The following CHERP variants were observed in gnomAD, a reference collection of about 807,000 sequenced individuals.
The protein encoded by CHERP is calcium homeostasis endoplasmic reticulum protein.
Under a neutral mutation model 113.8 loss-of-function variants are expected in CHERP, and 8 were observed. That is an observed-to-expected ratio of 0.07 (90% CI 0.04 to 0.13). The LOEUF is 0.13. Ranked by LOEUF, CHERP falls within the 10% of genes least tolerant of loss-of-function variation. CHERP has a pLI of 1.00. For missense variants in CHERP, 884 were observed against 1,298.2 expected (o/e 0.68, Z 4.90); for synonymous variants, 559 against 524.5 (o/e 1.07, Z -0.90).
intron 12 of CHERP, 115 bp downstream of exon 12, chr19:16,521,406 G>T: frequency 2.1e-6 from 2 of 933,924 alleles, no homozygotes; most frequent in Non-Finnish European, 3.1e-6. Flanking sequence ...CGGGGGGAGG[G>T]CAGTTTCTCC....
In CHERP at chr19:16,542,047, G is replaced by C. The variant is rs774112207; in HGVS notation, c.26-4C>G. The C allele has an allele frequency of 5.0e-6, 8 of 1,608,602 alleles. 1 individual carries two copies. The South Asian group carries it at 7.7e-5, about 16-fold the overall frequency. Reference sequence around the variant, plus strand: ...ATGACATTTCGAAGCTCCTGGTCTGGAGGACGGAGAAAAGGCCACGCGGGG... The same window carrying C: ...ATGACATTTCGAAGCTCCTGGTCTGCAGGACGGAGAAAAGGCCACGCGGGG... On this transcript the variant is annotated splice_polypyrimidine_tract_variant and splice_region_variant and intron_variant, in intron 1 of 16. Coordinates refer to ENST00000546361, the MANE Select transcript of CHERP (RefSeq NM_006387.6).
At chr19:16,527,509 C>T (rs567339698) in intron 9 of CHERP, among the ~76,000 whole-genome samples, 5 of 152,330 alleles carry the variant, frequency 3.3e-5, no homozygotes, top group East Asian at 3.9e-4. Flanking sequence ...GGGAAAGTCA[C>T]GCCCTGGAAG....
chr19:16,524,010 G>T (rs569517504), intron 10 of CHERP, among the ~76,000 whole-genome samples: 2 of 152,092 alleles, frequency 1.3e-5, no homozygotes, highest in Non-Finnish European at 2.9e-5. Flanking sequence ...TCAGCACTTT[G>T]GGAGGCCAAG....
Position 16,532,589 on chromosome 19 carries a change from G to T in CHERP, c.674+9C>A. 1 of 1,588,184 alleles carries T rather than the reference G, an allele frequency of 6.3e-7. No individual in the cohort carries two copies. ...AGTGGCGCTCTGGGCACGGGGTGGC[G>T]GCGCTCACCAGTGGTGCAGCACGTC... On this transcript the variant is annotated intron_variant, in intron 5 of 16. Transcript: ENST00000546361. The surrounding 1 kb of genome is among the most constrained non-coding windows in gnomAD (Gnocchi z 4.4).
At position 16,523,471 on chromosome 19, in the gene CHERP, G is replaced by A. The variant is rs1328103334; in HGVS notation, c.1742-181C>T. Among the ~76,000 whole-genome samples the A allele has an allele frequency of 6.6e-6, 1 of 152,124 alleles. No homozygotes were observed. Among genetic ancestry groups the A allele is most frequent in the African/African-American group, 2.4e-5 (1 of 41,416 alleles). On this transcript the variant is annotated intron_variant, in intron 10 of 16. Transcript: ENST00000546361. This position sits in a 1 kb window ranked among gnomAD's most constrained non-coding sequence, Gnocchi z 4.0. ...GCACCGAGGAGCCAGGCTCCGAGGG[G>A]CCTGTCCCGCACCCATAGGCACAGC... is the stretch of plus-strand genomic sequence containing the variant.
In CHERP at chr19:16,520,776, C is replaced by G. The variant is rs1846926150; in HGVS notation, c.2201+50G>C. On this transcript the variant is annotated intron_variant, in intron 13 of 16. Coordinates refer to ENST00000546361, the MANE Select transcript of CHERP (RefSeq NM_006387.6). The surrounding 1 kb of genome is among the most constrained non-coding windows in gnomAD (Gnocchi z 4.0). ...ATCTGGGGTCTGCTCCCACCCATCA[C>G]AAGCTGTGGACCCTGGCCCCCCGGC... is the stretch of plus-strand genomic sequence containing the variant. The G allele has an allele frequency of 1.9e-6, 3 of 1,556,404 alleles. No individual in the cohort carries two copies. The South Asian group carries it at 3.3e-5, about 17-fold the overall frequency.
In CHERP at chr19:16,533,084, G is replaced by T. The variant is rs1182760472; in HGVS notation, c.449C>A (p.Thr150Asn). 6.3e-7 allele frequency: 1 copy of T among 1,581,972 alleles called. No homozygotes were observed. Among genetic ancestry groups the T allele is most frequent in the Non-Finnish European group, 8.6e-7 (1 of 1,163,840 alleles). ...GTCAAACTCGTTCATGTCTAGCTGGGTCTCCTCCAGAAGCTTCTGCATCTG... is the reference window on the plus strand; with the variant it reads ...GTCAAACTCGTTCATGTCTAGCTGGTTCTCCTCCAGAAGCTTCTGCATCTG... ...EQQMQKLLEETQLDMNEFDNL... is the reference protein window; with the variant it reads ...EQQMQKLLEENQLDMNEFDNL... Residue 150 changes from threonine (T) to asparagine (N), a missense_variant, in exon 4 of 17, where the codon ACC (threonine) becomes AAC (asparagine). Thr to Asn is a moderately conservative substitution (Grantham distance 65). Transcript: ENST00000546361.
chr19:16,526,655 C>G (rs951579425), intron 9 of CHERP, among the ~76,000 whole-genome samples: 1 of 152,006 alleles, frequency 6.6e-6, no homozygotes, highest in Non-Finnish European at 1.5e-5. Flanking sequence ...TTAGTAGAGG[C>G]GAGGTTTCAC....
intron 9 of CHERP, among the ~76,000 whole-genome samples, chr19:16,527,248 G>A (rs1405015964): frequency 1.3e-5 from 2 of 152,208 alleles, no homozygotes; most frequent in Non-Finnish European, 2.9e-5. Flanking sequence ...CCAGCAGAGG[G>A]TACCTGCAAA....
intron 8 of CHERP, among the ~76,000 whole-genome samples, chr19:16,529,324 A>G (rs952448327): frequency 6.6e-6 from 1 of 152,040 alleles, no homozygotes; most frequent in African/African-American, 2.4e-5. Context: ...AGCCAATTAT[A>G]TTTTCAGTCT....
chr19:16,520,169 C>T lies in CHERP; in HGVS notation c.2442G>A (p.Arg814=). The T allele has an allele frequency of 1.2e-6, 2 of 1,612,608 alleles. No homozygotes were observed. The highest frequency in any genetic ancestry group is 1.1e-5 in the South Asian group (1 of 91,046). The part of the protein sequence containing the change: ...SYSPGRRRRS[R]SRSPTPPSSA... The stretch of plus-strand genomic sequence containing the variant: ...CTTACGGCGGGGTGGGGCTCCTGGA[C>T]CGTGACCGGCGTCTTCTTCCTGGGG... The change falls in exon 15 of 17, where the codon CGG becomes CGA. Residue 814 remains arginine (R), a synonymous_variant. Transcript: ENST00000546361. The surrounding 1 kb of genome is among the most constrained non-coding windows in gnomAD (Gnocchi z 4.0).
In CHERP at chr19:16,529,856, C is replaced by A. The variant is rs1239533977; in HGVS notation, c.921G>T (p.Gln307His). 1 of 1,613,824 alleles carries A rather than the reference C, an allele frequency of 6.2e-7. No homozygotes were observed. Among genetic ancestry groups the A allele is most frequent in the African/African-American group, 1.3e-5 (1 of 75,046 alleles). Residue 307 changes from glutamine to histidine, a missense_variant, in exon 8 of 17, where the codon CAG (glutamine) becomes CAT (histidine). By Grantham distance (24) the Gln-to-His change is conservative. Transcript: ENST00000546361. ...NEYSSVVQPV[Q>H]LAFQQQIQTL... ...TCTGGATCTGCTGCTGGAAGGCCAG[C>A]TGCACCGGCTGGACCACTGAGGAGT... is the stretch of plus-strand genomic sequence containing the variant.
At chr19:16,524,724 T>C (rs1385992974) in intron 10 of CHERP, among the ~76,000 whole-genome samples, 2 of 151,908 alleles carry the variant, frequency 1.3e-5, no homozygotes, top group African/African-American at 2.4e-5. Flanking sequence ...CCCATCTCTA[T>C]TTAAAATAAA....
At position 16,523,791 on chromosome 19, in the gene CHERP, C is replaced by T. The variant is rs866208134; in HGVS notation, c.1742-501G>A. ...GGCCTCCAAGACACTAACCTGAACC[C>T]GCCACACCTCCACCTTGGACCTCCA... On this transcript the variant is annotated intron_variant, in intron 10 of 16. Transcript: ENST00000546361. The surrounding 1 kb of genome is among the most constrained non-coding windows in gnomAD (Gnocchi z 4.0). Among the ~76,000 whole-genome samples the T allele has an allele frequency of 3.0e-4, 45 of 152,274 alleles. No homozygotes were observed. The highest frequency in any genetic ancestry group is 1.2e-3 in the Admixed American group (19 of 15,278).
intron 2 of CHERP, chr19:16,541,506 A>AG (rs1291924660): frequency 2.0e-5 from 4 of 197,886 alleles, no homozygotes; most frequent in Non-Finnish European, 3.0e-5. Context: ...GAGACGGCAA[A>AG]GGGGGCTGGA....
chr19:16,541,218 CTAGT>C (rs770175751), intron 2 of CHERP: 12 of 152,168 alleles, frequency 7.9e-5, no homozygotes, highest in Non-Finnish European at 1.6e-4. Flanking sequence ...TGGCAAACTC[CTAGT>C]TATTCATTTA....
chr19:16,538,499 A>G (rs952711028), intron 2 of CHERP, among the ~76,000 whole-genome samples: 2 of 152,222 alleles, frequency 1.3e-5, no homozygotes, highest in African/African-American at 4.8e-5. Context: ...CCTGGCCAAC[A>G]TGGTGAAACC....
rs745919493 is a variant in CHERP at position 16,518,552 on chromosome 19, G to C, written c.*607C>G. 1 of 152,526 alleles carries C rather than the reference G, an allele frequency of 6.6e-6. No individual in the cohort carries two copies. Among genetic ancestry groups the C allele is most frequent in the African/African-American group, 2.4e-5 (1 of 41,472 alleles). The allele number at this position is 152,526 out of a possible 1,614,324, so 9.4% of individuals were successfully genotyped here. ...TCTCACTGGGCCTCCTCTCAGGTCA[G>C]TATTCTTCTTTCTAGACCTAAACCA... On this transcript the variant is annotated 3_prime_UTR_variant, in exon 17 of 17. Transcript: ENST00000546361.
At position 16,535,607 on chromosome 19, in the gene CHERP, C is replaced by G; in HGVS notation, c.229G>C (p.Glu77Gln). ...LICKQQTPEL[E>Q]PAATMPPLPQ... ...AGGGGTGGCATGGTGGCGGCTGGCT[C>G]CAGCTCCGGGGTCTGCTGCTTGCAG... Residue 77 changes from glutamate to glutamine, a missense_variant, in exon 3 of 17, where the codon GAG becomes CAG. Transcript: ENST00000546361. This position sits in a 1 kb window ranked among gnomAD's most constrained non-coding sequence, Gnocchi z 4.3. 1.3e-6 allele frequency: 2 copies of G among 1,538,924 alleles called. No homozygotes were observed. Among genetic ancestry groups the G allele is most frequent in the Non-Finnish European group, 1.7e-6 (2 of 1,143,986 alleles).
Sources: allele counts gnomAD v4.1 joint callset (sites outside exome capture counted in the v4.1 genomes callset), GRCh38; gene constraint gnomAD v4.1.1; non-coding constraint Gnocchi (gnomAD v3.1); transcripts MANE v1.5; gene names NCBI Gene and HGNC (gene_info 2026-07-23, HGNC 2026-07-21).